The following FNIP2 variants were observed in gnomAD, a reference collection of about 807,000 sequenced individuals.
FNIP2 encodes the protein folliculin-interacting protein 2.
In FNIP2, 32 loss-of-function variants were observed where a neutral mutation model predicts 108.7. The ratio of observed to expected loss-of-function variants is 0.29; its 90% CI spans 0.22 to 0.40. The LOEUF (loss-of-function observed/expected upper bound fraction) is 0.40, where lower values mean the gene tolerates loss of function less well. FNIP2 is among the 10% of genes least tolerant of loss of function. FNIP2 has a pLI of 1.00. For synonymous variants in FNIP2, 480 were observed against 496.7 expected (o/e 0.97, Z 0.45); for missense variants, 1,202 against 1,381.6 (o/e 0.87, Z 2.06).
At chr4:158,870,593 G>A in intron 14 of FNIP2, 124 bp downstream of exon 14, 2 of 1,280,396 alleles carry the variant, frequency 1.6e-6, no homozygotes, top group South Asian at 1.5e-5. Flanking sequence ...TGTGGGCAGG[G>A]TTATGGGAAC....
At chr4:158,896,996 G>GC (rs1782750319) in intron 16 of FNIP2, among the ~76,000 whole-genome samples, 1 of 146,584 alleles carries the variant, frequency 6.8e-6, no homozygotes, top group Non-Finnish European at 1.5e-5. Context: ...CCCACCCCCA[G>GC]CCCCCCACCC....
chr4:158,903,540 C>A (rs879493690), intron 16 of FNIP2, among the ~76,000 whole-genome samples: 1 of 152,080 alleles, frequency 6.6e-6, no homozygotes, highest in African/African-American at 2.4e-5. Flanking sequence ...AGCTTTTATT[C>A]CCCTTTGCAC....
At chr4:158,869,455 G>A (rs1407485520) in intron 13 of FNIP2, 27 bp downstream of exon 13, 2 of 1,551,780 alleles carry the variant, frequency 1.3e-6, no homozygotes, top group South Asian at 1.2e-5. Flanking sequence ...GGGAAGTAGA[G>A]GGAACTGGGT....
chr4:158,830,592 A>G (rs2126582523), intron 3 of FNIP2, among the ~76,000 whole-genome samples: 1 of 152,276 alleles, frequency 6.6e-6, no homozygotes, highest in Admixed American at 6.5e-5. Context: ...CGCCTCTGCA[A>G]CCGTGCATAA....
intron 1 of FNIP2, among the ~76,000 whole-genome samples, chr4:158,816,487 A>G (rs1441690694): frequency 2.6e-5 from 4 of 152,190 alleles, no homozygotes; most frequent in African/African-American, 9.7e-5. Flanking sequence ...ACAAGGGTGT[A>G]AAAGAATTAG....
chr4:158,869,687 T>A (rs997888254), intron 13 of FNIP2, among the ~76,000 whole-genome samples: 3 of 152,162 alleles, frequency 2.0e-5, no homozygotes, highest in Non-Finnish European at 4.4e-5. Flanking sequence ...TCGTGATCCT[T>A]TGGGGAAGCC....
chr4:158,806,809 G>C (rs142973858), intron 1 of FNIP2, among the ~76,000 whole-genome samples: 1 of 152,180 alleles, frequency 6.6e-6, no homozygotes, highest in Admixed American at 6.5e-5. Flanking sequence ...AGGCCTGGGC[G>C]TTTTCACTTC....
intron 15 of FNIP2, among the ~76,000 whole-genome samples, chr4:158,892,591 A>T (rs1390083894): frequency 2.6e-5 from 4 of 152,170 alleles, no homozygotes; most frequent in Admixed American, 1.3e-4. Flanking sequence ...AAAGGTTTCA[A>T]AAGAAGAAAA....
intron 13 of FNIP2, 99 bp from the exon 14 acceptor site, chr4:158,870,214 T>A (rs1780858516): frequency 7.5e-7 from 1 of 1,332,574 alleles, no homozygotes; most frequent in Non-Finnish European, 1.0e-6. Context: ...CCTGAATCTA[T>A]TTTATTTACC....
At chr4:158,831,372 G>C (rs556460996) in intron 3 of FNIP2, among the ~76,000 whole-genome samples, 2 of 152,296 alleles carry the variant, frequency 1.3e-5, no homozygotes, top group South Asian at 4.1e-4. Flanking sequence ...TAAAACTTCA[G>C]AGTTATCAGA....
intron 1 of FNIP2, among the ~76,000 whole-genome samples, chr4:158,822,143 T>A (rs1322701392): frequency 2.6e-5 from 4 of 151,520 alleles, no homozygotes; most frequent in Non-Finnish European, 4.4e-5. Flanking sequence ...CCAAAGACAG[T>A]ATTCATATGT....
chr4:158,800,631 T>C (rs1026810070), intron 1 of FNIP2, among the ~76,000 whole-genome samples: 10 of 152,176 alleles, frequency 6.6e-5, no homozygotes, highest in Non-Finnish European at 4.4e-5. Flanking sequence ...AATTCGAAAA[T>C]ATAAAAGAAT....
chr4:158,833,927 A>G, intron 6 of FNIP2: 2 of 1,260,712 alleles, frequency 1.6e-6, no homozygotes, highest in South Asian at 1.4e-5. Flanking sequence ...TGACCCACAC[A>G]TATTAATAAA....
At chr4:158,896,316 G>A (rs1782669035) in intron 16 of FNIP2, among the ~76,000 whole-genome samples, 1 of 152,192 alleles carries the variant, frequency 6.6e-6, no homozygotes, top group Non-Finnish European at 1.5e-5. Context: ...CTGCGTGTCT[G>A]TGGGGGGACA....
At chr4:158,822,174 CTTTTTTT>C (rs70962634) in intron 1 of FNIP2, among the ~76,000 whole-genome samples, 5 of 118,178 alleles carry the variant, frequency 4.2e-5, no homozygotes, top group African/African-American at 1.2e-4. Flanking sequence ...GAGTTTTCCT[CTTTTTTT>C]TTTTTTTTTT....
intron 1 of FNIP2, among the ~76,000 whole-genome samples, chr4:158,795,248 A>G (rs1289411052): frequency 1.3e-5 from 2 of 152,236 alleles, no homozygotes. Context: ...ACTTAGATGA[A>G]CAGCTATTTG....
intron 12 of FNIP2, among the ~76,000 whole-genome samples, chr4:158,865,361 A>G (rs1251694768): frequency 2.0e-5 from 3 of 152,170 alleles, no homozygotes; most frequent in African/African-American, 7.2e-5. Flanking sequence ...CTTCCAGTAA[A>G]TATTTAATAT....
At chr4:158,802,817 G>A (rs1776805809) in intron 1 of FNIP2, among the ~76,000 whole-genome samples, 1 of 152,132 alleles carries the variant, frequency 6.6e-6, no homozygotes, top group African/African-American at 2.4e-5. Flanking sequence ...AAAAGAGGTT[G>A]GACTTGTGTC....
At chr4:158,882,199 G>A (rs905866908) in intron 14 of FNIP2, among the ~76,000 whole-genome samples, 23 of 148,968 alleles carry the variant, frequency 1.5e-4, no homozygotes, top group South Asian at 4.3e-4. Flanking sequence ...CAGCCGCCCC[G>A]TCTGAGAAGT....
Sources: gnomAD v4.1 joint callset for allele counts (sites outside exome capture counted in the v4.1 genomes callset) on GRCh38, gnomAD v4.1.1 for gene constraint, MANE v1.5 for transcripts, NCBI Gene and HGNC (gene_info 2026-07-23, HGNC 2026-07-21) for gene names.